The following STRBP variants were observed in gnomAD, a reference collection of about 807,000 sequenced individuals.
The protein encoded by STRBP is spermatid perinuclear RNA-binding protein.
STRBP carries 13 observed loss-of-function variants against 80.1 expected under a neutral mutation model. That is an observed-to-expected ratio of 0.16 (90% confidence interval 0.11 to 0.26). The LOEUF (loss-of-function observed/expected upper bound fraction) is 0.26, where lower values mean the gene tolerates loss of function less well. STRBP is among the 10% of genes least tolerant of loss of function. The probability of loss-of-function intolerance (pLI) is 1.00; values close to 1 mark genes in which losing one functional copy is unlikely to be tolerated. For synonymous variants in STRBP, 284 were observed against 291.2 expected (o/e 0.98, Z 0.25); for missense variants, 485 against 815.2 (o/e 0.59, Z 4.93).
At chr9:123,199,869 T>G (rs2039248340) in intron 2 of STRBP, among the ~76,000 whole-genome samples, 1 of 152,238 alleles carries the variant, frequency 6.6e-6, no homozygotes. Flanking sequence ...TTCTTTCTCT[T>G]GCCTAACTGA....
intron 2 of STRBP, among the ~76,000 whole-genome samples, chr9:123,215,086 A>T (rs181216466): frequency 6.6e-6 from 1 of 151,906 alleles, no homozygotes. Context: ...TTTCTTAAAG[A>T]GATGGGCTCT....
At chr9:123,184,502 C>T (rs537657693) in intron 2 of STRBP, among the ~76,000 whole-genome samples, 2 of 152,318 alleles carry the variant, frequency 1.3e-5, no homozygotes, top group South Asian at 4.1e-4. Context: ...AGTAAGCCTC[C>T]TGTAGCTACA....
intron 1 of STRBP, among the ~76,000 whole-genome samples, chr9:123,245,849 C>A (rs907895245): frequency 4.6e-5 from 7 of 152,184 alleles, no homozygotes; most frequent in African/African-American, 1.7e-4. Flanking sequence ...TCACTAAAAT[C>A]TTAGCCACAA....
chr9:123,176,633 T>C (rs1193388731), intron 4 of STRBP, among the ~76,000 whole-genome samples: 1 of 152,202 alleles, frequency 6.6e-6, no homozygotes, highest in African/African-American at 2.4e-5. Flanking sequence ...TGGCACTCAA[T>C]AAACAGTAGC....
At chr9:123,234,179 C>T (rs1268327935) in intron 2 of STRBP, among the ~76,000 whole-genome samples, 2 of 138,514 alleles carry the variant, frequency 1.4e-5, no homozygotes, top group African/African-American at 2.7e-5. Context: ...CCAGCCTGGG[C>T]GACAGAGCGA....
chr9:123,202,717 C>T (rs2039371423), intron 2 of STRBP, among the ~76,000 whole-genome samples: 1 of 152,008 alleles, frequency 6.6e-6, no homozygotes, highest in African/African-American at 2.4e-5. Context: ...GTCTGTTACA[C>T]AAAGAAATGA....
At chr9:123,230,874 T>C (rs777516916) in intron 2 of STRBP, among the ~76,000 whole-genome samples, 3 of 152,192 alleles carry the variant, frequency 2.0e-5, no homozygotes, top group Non-Finnish European at 4.4e-5. Flanking sequence ...CTTTTTTAAA[T>C]TTCTGGTATT....
intron 13 of STRBP, 72 bp from the exon 14 acceptor site, chr9:123,139,759 CAA>C (rs1331225892): frequency 6.8e-7 from 1 of 1,481,010 alleles, no homozygotes; most frequent in African/African-American, 1.4e-5. Flanking sequence ...ATATTGAGAA[CAA>C]AAGTTTCAAA....
At position 123,211,394 on chromosome 9, in the gene STRBP, C is replaced by G. The variant is rs892642804; in HGVS notation, c.-165+25436G>C. Among the ~76,000 whole-genome samples, 3 of 152,166 alleles carry G rather than the reference C, an allele frequency of 2.0e-5. No homozygotes were observed. The South Asian group carries it at 6.2e-4, about 32-fold the overall frequency. On this transcript the variant is annotated intron_variant, in intron 2 of 18. Coordinates refer to ENST00000348403, the MANE Select transcript of STRBP (RefSeq NM_018387.5). Reference sequence around the variant, plus strand: ...AATAAAAACAGAAAGAGGGTGAATACAAAATTCAGGTTTGAATTCTGTCGA... The same window carrying G: ...AATAAAAACAGAAAGAGGGTGAATAGAAAATTCAGGTTTGAATTCTGTCGA...
chr9:123,216,249 C>A (rs1311540489), intron 2 of STRBP, among the ~76,000 whole-genome samples: 5 of 152,154 alleles, frequency 3.3e-5, no homozygotes, highest in Admixed American at 3.3e-4. Context: ...TATGTTTTAC[C>A]ACTTACCAGC....
intron 1 of STRBP, among the ~76,000 whole-genome samples, chr9:123,249,882 T>C (rs1366456406): frequency 6.6e-6 from 1 of 152,190 alleles, no homozygotes; most frequent in African/African-American, 2.4e-5. Context: ...AGTACAGAGT[T>C]TCCCAGAGGC....
intron 2 of STRBP, among the ~76,000 whole-genome samples, chr9:123,232,271 A>T (rs2040420017): frequency 6.6e-6 from 1 of 152,086 alleles, no homozygotes; most frequent in African/African-American, 2.4e-5. Context: ...AAATCACACC[A>T]CTGCACTCCA....
chr9:123,205,776 G>A (rs907282372), intron 2 of STRBP, among the ~76,000 whole-genome samples: 1 of 152,140 alleles, frequency 6.6e-6, no homozygotes, highest in African/African-American at 2.4e-5. Context: ...GGCATCCTCT[G>A]CCACAGTTGG....
At chr9:123,257,417 AACACACACACACACACACACAG>A (rs1238254512) in intron 1 of STRBP, among the ~76,000 whole-genome samples, 2 of 147,744 alleles carry the variant, frequency 1.4e-5, no homozygotes, top group East Asian at 2.0e-4. Flanking sequence ...AAAACACACA[AACACACACACACACACACACAG>A]ACACACACAC....
chr9:123,264,061 C>T (rs1020668513), intron 1 of STRBP, among the ~76,000 whole-genome samples: 1 of 152,302 alleles, frequency 6.6e-6, no homozygotes, highest in East Asian at 1.9e-4. Flanking sequence ...CACCTGTAGT[C>T]CTAGCTACTC....
chr9:123,193,892 A>C (rs2039008720), intron 2 of STRBP, among the ~76,000 whole-genome samples: 1 of 152,208 alleles, frequency 6.6e-6, no homozygotes, highest in Non-Finnish European at 1.5e-5. Context: ...TAAGAAAAAA[A>C]AGTATCACAT....
At chr9:123,168,421 G>C (rs1345374821) in intron 6 of STRBP, among the ~76,000 whole-genome samples, 1 of 152,160 alleles carries the variant, frequency 6.6e-6, no homozygotes, top group African/African-American at 2.4e-5. Flanking sequence ...TATCTGTTGA[G>C]TTATGATATA....
At chr9:123,172,720 G>A (rs2038060877) in intron 5 of STRBP, among the ~76,000 whole-genome samples, 1 of 151,702 alleles carries the variant, frequency 6.6e-6, no homozygotes, top group Admixed American at 6.6e-5. Context: ...TGGTTTTGAG[G>A]GTCAGCTAGT....
intron 16 of STRBP, among the ~76,000 whole-genome samples, chr9:123,133,174 C>A (rs1409037885): frequency 6.6e-6 from 1 of 152,142 alleles, no homozygotes. Flanking sequence ...ATGCAAATAA[C>A]TTCTTTTTGC....
Sources: gnomAD v4.1 joint callset for allele counts (sites outside exome capture counted in the v4.1 genomes callset) on GRCh38, gnomAD v4.1.1 for gene constraint, MANE v1.5 for transcripts, NCBI Gene and HGNC (gene_info 2026-07-23, HGNC 2026-07-21) for gene names.